PRMT7: variants seen among roughly 807,000 people sequenced by gnomAD.
The protein encoded by PRMT7 is protein arginine methyltransferase 7, also known as protein arginine N-methyltransferase 7.
Under a neutral mutation model 85.4 loss-of-function variants are expected in PRMT7, and 75 were observed. That is an observed-to-expected ratio of 0.88 (90% confidence interval 0.73 to 1.06). The LOEUF is 1.06. Ranked by LOEUF, PRMT7 falls within the 50% of genes least tolerant of loss-of-function variation. The pLI, the probability that PRMT7 is intolerant of heterozygous loss-of-function variation, is 0.00. For missense variants in PRMT7, 868 were observed against 915.2 expected, an observed-to-expected ratio of 0.95 and a Z score of 0.67; for synonymous variants, 397 against 359.5, an observed-to-expected ratio of 1.10 and a Z score of -1.18.
chr16:68,341,918 A>C (rs1046025016), intron 9 of PRMT7, among the ~76,000 whole-genome samples: 11 of 152,324 alleles, frequency 7.2e-5, no homozygotes, highest in African/African-American at 2.6e-4. Flanking sequence ...GCCTCCTCTC[A>C]TCCTCCTAAC....
At chr16:68,336,913 T>A (rs2084776553) in intron 6 of PRMT7, among the ~76,000 whole-genome samples, 1 of 152,180 alleles carries the variant, frequency 6.6e-6, no homozygotes, top group Admixed American at 6.5e-5. Flanking sequence ...CCATCACACC[T>A]GGCTAATTTT....
chr16:68,312,219 ATATATATATAT>A (rs890350450), intron 2 of PRMT7, 43 bp downstream of exon 2: 11 of 41,190 alleles, frequency 2.7e-4, no homozygotes, highest in African/African-American at 6.4e-4. Context: ...ATATATATAT[ATATATATATAT>A]TTTTTTTTTT....
At chr16:68,359,850 A>C (rs1186264897), downstream of PRMT7, 1 of 152,498 alleles carries the variant, frequency 6.6e-6, no homozygotes, top group Non-Finnish European at 1.5e-5. Flanking sequence ...AGTGCTGCCG[A>C]AGGGGCCTGG....
intron 6 of PRMT7, among the ~76,000 whole-genome samples, chr16:68,333,876 G>T (rs760395707): frequency 8.5e-5 from 13 of 152,106 alleles, no homozygotes; most frequent in Non-Finnish European, 1.9e-4. Flanking sequence ...GGATTCAAGT[G>T]ATCCTTCCAC....
intron 2 of PRMT7, among the ~76,000 whole-genome samples, chr16:68,313,234 C>T (rs1309663424): frequency 2.0e-5 from 3 of 151,370 alleles, no homozygotes; most frequent in Admixed American, 2.0e-4. Context: ...TTTTTTTTTC[C>T]TCCAGTTCAA....
rs143006875 is a variant in PRMT7 at position 68,357,277 on chromosome 16, G to C, written c.*53G>C. On this transcript the variant is annotated 3_prime_UTR_variant, in exon 19 of 19. Coordinates refer to ENST00000441236, the MANE Select transcript of PRMT7 (RefSeq NM_019023.5). ...GGGCTGGGGTTCTGAGTGGCTCATG[G>C]CTTTCTAGCGGGGAAGGCTGAAGGC... The C allele has an allele frequency of 6.4e-4, 992 of 1,539,344 alleles. 24 individuals carry two copies. In the East Asian group the frequency reaches 0.022, roughly 35 times the overall value.
intron 3 of PRMT7, among the ~76,000 whole-genome samples, chr16:68,319,423 G>C (rs1235063955): frequency 2.6e-5 from 4 of 152,056 alleles, no homozygotes; most frequent in Non-Finnish European, 5.9e-5. Context: ...GGAGTGAGCT[G>C]GTGGTGGTTA....
At chr16:68,347,434 G>A in intron 12 of PRMT7, 140 bp downstream of exon 12, 2 of 1,071,710 alleles carry the variant, frequency 1.9e-6, no homozygotes, top group Non-Finnish European at 2.7e-6. Flanking sequence ...TCAGGGGCTG[G>A]GGGGTTTATT....
intron 2 of PRMT7, among the ~76,000 whole-genome samples, chr16:68,313,860 A>G (rs759818404): frequency 6.6e-6 from 1 of 152,310 alleles, no homozygotes; most frequent in Middle Eastern, 3.4e-3. Flanking sequence ...GCTTGAGTCC[A>G]GGAGTTTAAG....
Position 68,346,261 on chromosome 16 carries a change from AC to A in PRMT7, c.1173del (p.Tyr391Ter). ...EINDQDRTDR[Y>X]VQALRTVLKP... ...AATGACCAGGACAGAACTGATCGAT[AC>A]GTCCAGGCTCTGAGGACCGTAAGTG... is the stretch of plus-strand genomic sequence containing the variant. On this transcript the variant is annotated frameshift_variant, in exon 11 of 19. Transcript: ENST00000441236. LOFTEE classifies it high-confidence loss of function. The A allele has an allele frequency of 3.7e-6, 6 of 1,614,244 alleles. No homozygotes were observed. Among genetic ancestry groups the A allele is most frequent in the Non-Finnish European group, 5.1e-6 (6 of 1,180,042 alleles).
rs775872962 is a variant in PRMT7, at chr16:68,356,827, G to A, written c.1908+30G>A. 4.6e-5 allele frequency: 72 copies of A among 1,581,122 alleles called. 1 individual carries two copies. The Admixed American group carries it at 6.6e-4, about 15-fold the overall frequency. The stretch of plus-strand genomic sequence containing the variant: ...TGCCTGCGCACCGGGCCCAGTGTGC[G>A]TGCAGACCCTGAGAGCAGGCGCCGC... On this transcript the variant is annotated intron_variant, in intron 18 of 18. Coordinates refer to ENST00000441236, the MANE Select transcript of PRMT7 (RefSeq NM_019023.5).
In PRMT7 at chr16:68,358,456, C is replaced by A. The variant is rs769001258; in HGVS notation, c.*1232C>A. On this transcript the variant is annotated 3_prime_UTR_variant, in exon 19 of 19. Transcript: ENST00000441236. ...ACTTGTTTTTCTTCTAGGGAAGAAC[C>A]GTCTGGATATATATTTGATAATGTT... 1.3e-5 allele frequency: 2 copies of A among 152,602 alleles called. No homozygotes were observed. The highest frequency in any genetic ancestry group is 2.4e-5 in the African/African-American group (1 of 41,438). The allele number at this position is 152,602 out of a possible 1,614,324, so 9.5% of individuals were successfully genotyped here.
At chr16:68,330,673 C>T (rs568098041) in intron 6 of PRMT7, among the ~76,000 whole-genome samples, 2 of 152,256 alleles carry the variant, frequency 1.3e-5, no homozygotes, top group Non-Finnish European at 2.9e-5. Context: ...CAGCTCACTG[C>T]AACCTCTGCC....
At chr16:68,354,665 C>G (rs1469505089) in intron 16 of PRMT7, 1 of 152,672 alleles carries the variant, frequency 6.5e-6, no homozygotes, top group African/African-American at 2.4e-5. Flanking sequence ...CCCATGCGCT[C>G]TACGCCTCCT....
intron 10 of PRMT7, 101 bp downstream of exon 10, chr16:68,345,903 C>G: frequency 2.6e-6 from 4 of 1,522,296 alleles, no homozygotes; most frequent in Non-Finnish European, 3.6e-6. Context: ...TGATTTGTGT[C>G]TGGACAGAAT....
chr16:68,321,261 C>T (rs1181307171), intron 3 of PRMT7, among the ~76,000 whole-genome samples, 165 bp from the exon 4 acceptor site: 22 of 151,282 alleles, frequency 1.5e-4, no homozygotes, highest in African/African-American at 5.1e-4. Flanking sequence ...GGGGTGAGAC[C>T]CTGTCTCAAA....
intron 16 of PRMT7, chr16:68,354,988 T>G (rs1259168797): frequency 6.6e-6 from 1 of 152,634 alleles, no homozygotes; most frequent in African/African-American, 2.4e-5. Context: ...GCCATTGGTC[T>G]TCGTGCTCCT....
At chr16:68,333,775 A>T (rs1008035755) in intron 6 of PRMT7, among the ~76,000 whole-genome samples, 3 of 150,156 alleles carry the variant, frequency 2.0e-5, no homozygotes, top group East Asian at 2.0e-4. Flanking sequence ...ATTTCTTATT[A>T]AAAAAAAAAA....
chr16:68,350,379 A>T (rs1232328522), intron 14 of PRMT7, among the ~76,000 whole-genome samples: 1 of 151,786 alleles, frequency 6.6e-6, no homozygotes, highest in Non-Finnish European at 1.5e-5. Context: ...TGACATCCCC[A>T]TCGGTAACAT....
Sources: gnomAD v4.1 joint callset for allele counts (sites outside exome capture counted in the v4.1 genomes callset) on GRCh38, gnomAD v4.1.1 for gene constraint, MANE v1.5 for transcripts, NCBI Gene and HGNC (gene_info 2026-07-23, HGNC 2026-07-21) for gene names.